Variants in DOCK3 observed in about 807,000 individuals in gnomAD.
DOCK3 encodes the protein dedicator of cytokinesis protein 3.
Under a neutral mutation model 265.6 loss-of-function variants are expected in DOCK3, and 60 were observed. That is an observed-to-expected ratio of 0.23 (90% confidence interval 0.18 to 0.28). The LOEUF (loss-of-function observed/expected upper bound fraction) is 0.28, where lower values mean the gene tolerates loss of function less well. Among genes scored for constraint, DOCK3 ranks in the 10% least tolerant of loss-of-function variants. The pLI is 1.00. For synonymous variants in DOCK3, 881 were observed against 938.0 expected (o/e 0.94, Z 1.11); for missense variants, 1,981 against 2,594.3 (o/e 0.76, Z 5.14).
At chr3:50,699,091 A>G (rs956715874) in intron 1 of DOCK3, among the ~76,000 whole-genome samples, 9 of 152,172 alleles carry the variant, frequency 5.9e-5, no homozygotes, top group African/African-American at 1.9e-4. Flanking sequence ...TAATTTTTCT[A>G]TGTGATAGTA....
chr3:50,774,470 GT>G (rs999196943), intron 1 of DOCK3, among the ~76,000 whole-genome samples: 1 of 151,612 alleles, frequency 6.6e-6, no homozygotes, highest in Non-Finnish European at 1.5e-5. Context: ...TTTTGATGTT[GT>G]TATAAATGGT....
intron 5 of DOCK3, among the ~76,000 whole-genome samples, chr3:50,998,003 A>G (rs1399523474): frequency 2.0e-5 from 3 of 152,188 alleles, no homozygotes; most frequent in South Asian, 2.1e-4. Flanking sequence ...AAAGAATATA[A>G]TGTTGGGGTA....
chr3:51,154,101 C>G (rs2085737182), intron 10 of DOCK3, among the ~76,000 whole-genome samples: 1 of 152,194 alleles, frequency 6.6e-6, no homozygotes, highest in Non-Finnish European at 1.5e-5. Context: ...ACATGACTTT[C>G]TATAAAAGCT....
chr3:51,350,337 A>C lies in DOCK3; in HGVS notation c.4052A>C (p.Glu1351Ala). 6.2e-7 allele frequency: 1 copy of C among 1,612,086 alleles called. No individual in the cohort carries two copies. Among genetic ancestry groups the C allele is most frequent in the Non-Finnish European group, 8.5e-7 (1 of 1,179,402 alleles). The part of the protein sequence containing the change: ...YDNIMEQQRL[E>A]PEFFRVGFYG... ...AACATTATGGAGCAGCAACGCCTGG[A>C]GCCTGAGTTCTTTCGGGTCGGCTTC... Residue 1351 changes from glutamate to alanine, a missense_variant, in exon 40 of 53, where the codon GAG becomes GCG. Physicochemically the swap from Glu to Ala is moderately radical, Grantham distance 107 (BLOSUM62 -1). Coordinates refer to ENST00000266037, the MANE Select transcript of DOCK3 (RefSeq NM_004947.5).
intron 9 of DOCK3, among the ~76,000 whole-genome samples, chr3:51,097,395 G>A (rs1387643758): frequency 6.6e-6 from 1 of 152,222 alleles, no homozygotes; most frequent in Non-Finnish European, 1.5e-5. Context: ...AGGTGGCTTT[G>A]TTTACATTGT....
intron 12 of DOCK3, among the ~76,000 whole-genome samples, chr3:51,166,013 A>G (rs1347322381): frequency 6.8e-6 from 1 of 147,562 alleles, no homozygotes; most frequent in African/African-American, 2.5e-5. Flanking sequence ...ATAATTATAT[A>G]TATTATTTTT....
intron 2 of DOCK3, among the ~76,000 whole-genome samples, chr3:50,809,096 T>G (rs2043590038): frequency 6.6e-6 from 1 of 152,198 alleles, no homozygotes; most frequent in Non-Finnish European, 1.5e-5. Context: ...AGGAAAAGAT[T>G]GGTAAGTTAT....
At chr3:50,857,778 A>G (rs77561225) in intron 3 of DOCK3, among the ~76,000 whole-genome samples, 12,767 of 152,264 alleles carry the variant, frequency 0.084, 1,181 homozygotes, top group East Asian at 0.33. Context: ...TCAGGAAACA[A>G]CAGATACTGG....
chr3:50,723,422 G>C (rs959777150), intron 1 of DOCK3, among the ~76,000 whole-genome samples: 1 of 152,180 alleles, frequency 6.6e-6, no homozygotes, highest in African/African-American at 2.4e-5. Context: ...TGTAATCCCA[G>C]CACTTTGGGA....
At chr3:51,241,651 C>T (rs2078615634) in intron 21 of DOCK3, among the ~76,000 whole-genome samples, 1 of 152,114 alleles carries the variant, frequency 6.6e-6, no homozygotes, top group Non-Finnish European at 1.5e-5. Flanking sequence ...TCTTGTCTGA[C>T]TGTCATATTT....
chr3:51,367,686 G>T (rs2087328294), intron 49 of DOCK3, among the ~76,000 whole-genome samples: 1 of 152,154 alleles, frequency 6.6e-6, no homozygotes, highest in African/African-American at 2.4e-5. Context: ...GGTAGGCCTG[G>T]TGGTGACAAA....
chr3:51,282,743 C>T (rs1042196981), intron 27 of DOCK3, among the ~76,000 whole-genome samples: 14 of 151,324 alleles, frequency 9.3e-5, no homozygotes, highest in Non-Finnish European at 1.8e-4. Flanking sequence ...TTGGTGAATT[C>T]TACCAAATTT....
At chr3:50,757,100 G>C (rs540307106) in intron 1 of DOCK3, among the ~76,000 whole-genome samples, 24 of 150,160 alleles carry the variant, frequency 1.6e-4, no homozygotes, top group Non-Finnish European at 3.0e-4. Context: ...CAATCCATCT[G>C]CCTTGGCTTC....
chr3:51,377,971 T>C (rs1288262686), intron 51 of DOCK3, among the ~76,000 whole-genome samples: 1 of 152,196 alleles, frequency 6.6e-6, no homozygotes, highest in Non-Finnish European at 1.5e-5. Flanking sequence ...GAAGGTGATT[T>C]TTTTGGCAGA....
At chr3:51,143,602 G>T (rs1424848694) in intron 9 of DOCK3, among the ~76,000 whole-genome samples, 1 of 152,074 alleles carries the variant, frequency 6.6e-6, no homozygotes, top group Non-Finnish European at 1.5e-5. Context: ...TTTCTCTAAT[G>T]GTTAATGATA....
chr3:51,358,594 C>A (rs1377241387), intron 46 of DOCK3, among the ~76,000 whole-genome samples: 1 of 152,162 alleles, frequency 6.6e-6, no homozygotes, highest in Non-Finnish European at 1.5e-5. Flanking sequence ...CTCTCCCTCC[C>A]TCTTATTCCC....
At chr3:50,884,816 C>G (rs892114742) in intron 3 of DOCK3, among the ~76,000 whole-genome samples, 3 of 151,972 alleles carry the variant, frequency 2.0e-5, no homozygotes, top group Non-Finnish European at 4.4e-5. Context: ...CCCCGCCCCC[C>G]ACAGTTTTCC....
In DOCK3 at chr3:51,341,381, G is replaced by A; in HGVS notation, c.3911G>A (p.Gly1304Asp). The change falls in exon 38 of 53, where the codon GGC (glycine) becomes GAC (aspartate). Residue 1304 changes from glycine to aspartate, a missense_variant. By Grantham distance (94) the Gly-to-Asp change is moderately conservative (BLOSUM62 -1). This residue lies in a region of DOCK3 where 1,357 missense variants were observed against 1,866.8 expected (regional missense o/e 0.73). Coordinates refer to ENST00000266037, the MANE Select transcript of DOCK3 (RefSeq NM_004947.5). ...AAGATCATTCACTACTTCAACAAAG[G>A]CAAGGTATGCATCATTAGGCAAGCC... The part of the protein sequence containing the change: ...CRKIIHYFNK[G>D]KSWEFGIPLC... The A allele has an allele frequency of 6.2e-7, 1 of 1,613,592 alleles. No homozygotes were observed. Among genetic ancestry groups the A allele is most frequent in the South Asian group, 1.1e-5 (1 of 90,966 alleles).
intron 5 of DOCK3, among the ~76,000 whole-genome samples, chr3:51,025,390 C>T (rs533758057): frequency 7.4e-4 from 113 of 152,194 alleles, no homozygotes; most frequent in African/African-American, 2.6e-3. Flanking sequence ...GTTCCCACAT[C>T]GTTTTCAAGG....
Sources: allele counts gnomAD v4.1 joint callset (sites outside exome capture counted in the v4.1 genomes callset), GRCh38; gene constraint gnomAD v4.1.1; regional missense constraint gnomAD v4.1.1; transcripts MANE v1.5; gene names NCBI Gene and HGNC (gene_info 2026-07-23, HGNC 2026-07-21).